Variants in NINJ2 observed in about 807,000 individuals in gnomAD.
NINJ2 encodes ninjurin 2.
In NINJ2, 12 loss-of-function variants were observed where a neutral mutation model predicts 11.7. The ratio of observed to expected loss-of-function variants is 1.02; its 90% CI spans 0.66 to 1.66. The LOEUF (loss-of-function observed/expected upper bound fraction) is 1.66. Ranked by LOEUF, NINJ2 falls within the 40% of genes most tolerant of loss-of-function variation. The probability of loss-of-function intolerance (pLI) is 0.00; values close to 1 mark genes in which losing one functional copy is unlikely to be tolerated. For synonymous variants in NINJ2, 93 were observed against 76.8 expected, an observed-to-expected ratio of 1.21 and a Z score of -1.10; for missense variants, 187 against 181.8, an observed-to-expected ratio of 1.03 and a Z score of -0.16.
chr12:616,261 T>C (rs1215299208), intron 1 of NINJ2, among the ~76,000 whole-genome samples: 2 of 152,228 alleles, frequency 1.3e-5, no homozygotes, highest in African/African-American at 2.4e-5. Context: ...GCAAAGGCCA[T>C]GGTAATGACC....
At chr12:596,254 C>T (rs1947784098) in intron 1 of NINJ2, among the ~76,000 whole-genome samples, 1 of 152,158 alleles carries the variant, frequency 6.6e-6, no homozygotes, top group South Asian at 2.1e-4. Context: ...TTGGAAGCTA[C>T]CAAAATGAAA....
rs914127043 is a variant in NINJ2 at position 614,266 on chromosome 12, T to C, written c.34-48088A>G. ...TATTGGGAAGTTACTAATCCCACTG[T>C]GGTTTATACCTCATGACTTCTTGCA... On this transcript the variant is annotated intron_variant, in intron 1 of 3. Coordinates refer to ENST00000305108, the MANE Select transcript of NINJ2 (RefSeq NM_016533.6). This position sits in a 1 kb window ranked among gnomAD's most constrained non-coding sequence, Gnocchi z 5.1. 3.9e-5 allele frequency among the ~76,000 whole-genome samples: 6 copies of C among 152,176 alleles called. No individual in the cohort carries two copies. The highest frequency in any genetic ancestry group is 1.2e-4 in the African/African-American group (5 of 41,426).
chr12:590,421 C>A (rs1050476273), intron 1 of NINJ2, among the ~76,000 whole-genome samples: 1 of 152,180 alleles, frequency 6.6e-6, no homozygotes, highest in Admixed American at 6.5e-5. Flanking sequence ...GGGTGGAAGA[C>A]GACACCCTGT....
At chr12:597,783 G>A (rs892386780) in intron 1 of NINJ2, among the ~76,000 whole-genome samples, 2 of 152,226 alleles carry the variant, frequency 1.3e-5, no homozygotes, top group African/African-American at 4.8e-5. Flanking sequence ...ACCAAGAAGT[G>A]TCGCAGGAGC....
chr12:584,059 TA>T (rs58387031), intron 1 of NINJ2, among the ~76,000 whole-genome samples: 40,512 of 149,356 alleles, frequency 0.27, 5,749 homozygotes, highest in South Asian at 0.38. Flanking sequence ...ACATTTGGAG[TA>T]AAAAAAAAAC....
In NINJ2 at chr12:604,658, A is replaced by G. The variant is rs540160641; in HGVS notation, c.34-38480T>C. 1.2e-4 allele frequency among the ~76,000 whole-genome samples: 18 copies of G among 152,162 alleles called. No individual in the cohort carries two copies. The South Asian group carries it at 2.9e-3, about 25-fold the overall frequency. ...GTCCCAACAACAACAACAATAGCAA[A>G]AAAAGCCACAGCCTGATGCTTGCAG... is the stretch of plus-strand genomic sequence containing the variant. On this transcript the variant is annotated intron_variant, in intron 1 of 3. Transcript: ENST00000305108.
At chr12:608,021 G>C (rs893448562) in intron 1 of NINJ2, among the ~76,000 whole-genome samples, 1 of 152,214 alleles carries the variant, frequency 6.6e-6, no homozygotes, top group Non-Finnish European at 1.5e-5. Context: ...ATGTGCGCTT[G>C]TAGGAGCTGG....
At chr12:625,955 A>C (rs1230650279) in intron 1 of NINJ2, among the ~76,000 whole-genome samples, 1 of 152,246 alleles carries the variant, frequency 6.6e-6, no homozygotes, top group Non-Finnish European at 1.5e-5. Context: ...TGATCAATGA[A>C]TATGAAATAA....
chr12:595,483 A>C (rs558108231), intron 1 of NINJ2, among the ~76,000 whole-genome samples: 2 of 152,352 alleles, frequency 1.3e-5, no homozygotes, highest in South Asian at 4.1e-4. Flanking sequence ...AAATATTTGC[A>C]AAAAATATTG....
chr12:570,942 A>G (rs148284423), intron 1 of NINJ2, among the ~76,000 whole-genome samples: 1 of 152,298 alleles, frequency 6.6e-6, no homozygotes, highest in Admixed American at 6.5e-5. Flanking sequence ...TGGACAGCAG[A>G]ACGACACTTT....
At chr12:597,318 C>T (rs1947801193) in intron 1 of NINJ2, among the ~76,000 whole-genome samples, 1 of 152,170 alleles carries the variant, frequency 6.6e-6, no homozygotes, top group African/African-American at 2.4e-5. Context: ...ATGAGCACTA[C>T]CTGGGTTACT....
At chr12:606,286 G>A (rs1457616696) in intron 1 of NINJ2, among the ~76,000 whole-genome samples, 4 of 152,000 alleles carry the variant, frequency 2.6e-5, no homozygotes, top group African/African-American at 7.2e-5. Context: ...ATAGAGAAAC[G>A]TTTATAAAAT....
chr12:593,130 T>C (rs2120879094), intron 1 of NINJ2, among the ~76,000 whole-genome samples: 1 of 152,210 alleles, frequency 6.6e-6, no homozygotes, highest in Non-Finnish European at 1.5e-5. Flanking sequence ...AATCCAGAAA[T>C]CTATGTTAAA....
chr12:592,623 C>T (rs1947732246), intron 1 of NINJ2, among the ~76,000 whole-genome samples: 2 of 152,130 alleles, frequency 1.3e-5, no homozygotes, highest in African/African-American at 4.8e-5. Flanking sequence ...TCGCTTGAAC[C>T]CAGGAGGTGG....
chr12:567,957 A>G (rs1432000120), intron 1 of NINJ2, among the ~76,000 whole-genome samples: 1 of 152,218 alleles, frequency 6.6e-6, no homozygotes, highest in African/African-American at 2.4e-5. Flanking sequence ...CAGTGAGCAG[A>G]GATCGCACCA....
intron 1 of NINJ2, among the ~76,000 whole-genome samples, chr12:637,328 G>A (rs367752421): frequency 3.3e-5 from 5 of 150,580 alleles, no homozygotes; most frequent in Admixed American, 6.7e-5. Context: ...CAGCCTGGGC[G>A]ACAGAGCGAG....
At chr12:573,135 C>T (rs1947401752) in intron 1 of NINJ2, among the ~76,000 whole-genome samples, 2 of 150,774 alleles carry the variant, frequency 1.3e-5, no homozygotes, top group Non-Finnish European at 3.0e-5. Context: ...ACGCCATTCT[C>T]CTGCCTCAGC....
Position 650,244 on chromosome 12 carries a change from C to T in NINJ2, c.33+13084G>A, listed in dbSNP as rs374904081. 2.3e-4 allele frequency among the ~76,000 whole-genome samples: 35 copies of T among 152,142 alleles called. 1 individual carries two copies. The highest frequency in any genetic ancestry group is 7.9e-4 in the African/African-American group (33 of 41,514). On this transcript the variant is annotated intron_variant, in intron 1 of 3. Transcript: ENST00000305108. ...GGATTACAGGCGCTCACCACCACAC[C>T]TGGCTAATTTTTATATTTTTAGTAG...
In NINJ2 at chr12:610,527, G is replaced by A; in HGVS notation, c.34-44349C>T. 3 of 1,490,086 alleles carry A rather than the reference G, an allele frequency of 2.0e-6. No homozygotes were observed. The Admixed American group carries it at 6.4e-5, about 32-fold the overall frequency. 92.3% of individuals were successfully genotyped at this position (1,490,086 alleles called of 1,614,324 possible). A position where few individuals can be genotyped will look rare whatever the true frequency, so the allele number is the denominator to read the frequency against. ...GGGTCCCCACAGCGGCCAGCCCAGG[G>A]CCCTGCATGCAGCAGATGCCCACCA... On this transcript the variant is annotated intron_variant, in intron 1 of 3. Transcript: ENST00000305108.
Sources: allele counts gnomAD v4.1 joint callset (sites outside exome capture counted in the v4.1 genomes callset), GRCh38; gene constraint gnomAD v4.1.1; non-coding constraint Gnocchi (gnomAD v3.1); transcripts MANE v1.5; gene names NCBI Gene and HGNC (gene_info 2026-07-23, HGNC 2026-07-21).